Variants in PLCB1 observed in about 807,000 individuals in gnomAD.
The protein encoded by PLCB1 is 1-phosphatidylinositol 4,5-bisphosphate phosphodiesterase beta-1.
In PLCB1, 46 loss-of-function variants were observed where a neutral mutation model predicts 161.8. The observed-to-expected ratio is 0.28, with a 90% CI of 0.22 to 0.36. The LOEUF is 0.36. Ranked by LOEUF, PLCB1 falls within the 10% of genes least tolerant of loss-of-function variation. PLCB1 has a pLI of 1.00. For missense variants in PLCB1, 1,016 were observed against 1,472.5 expected, an observed-to-expected ratio of 0.69 and a Z score of 5.07; for synonymous variants, 517 against 503.7, an observed-to-expected ratio of 1.03 and a Z score of -0.35.
intron 2 of PLCB1, among the ~76,000 whole-genome samples, chr20:8,151,709 G>C (rs1391081049): frequency 6.6e-6 from 1 of 152,062 alleles, no homozygotes; most frequent in Non-Finnish European, 1.5e-5. Flanking sequence ...GATATTTTTA[G>C]AACTGTTGAA....
chr20:8,835,470 A>G (rs1986243975), intron 31 of PLCB1, among the ~76,000 whole-genome samples: 1 of 152,086 alleles, frequency 6.6e-6, no homozygotes. Context: ...CACAGGCTTT[A>G]GAGATCTATG....
At chr20:8,391,601 G>A (rs564221245) in intron 3 of PLCB1, among the ~76,000 whole-genome samples, 1 of 151,908 alleles carries the variant, frequency 6.6e-6, no homozygotes, top group African/African-American at 2.4e-5. Context: ...TGGTTTCCCT[G>A]TGAATGATAA....
intron 23 of PLCB1, among the ~76,000 whole-genome samples, chr20:8,744,259 G>A (rs1981033164): frequency 6.6e-6 from 1 of 152,098 alleles, no homozygotes; most frequent in African/African-American, 2.4e-5. Context: ...ATTTTCAAGT[G>A]AAATTACATG....
chr20:8,781,416 AAACACAC>A (rs1983226158), intron 27 of PLCB1, among the ~76,000 whole-genome samples: 1 of 21,400 alleles, frequency 4.7e-5, no homozygotes, highest in African/African-American at 9.5e-5. Context: ...ACACACACAC[AAACACAC>A]ACACACACAC....
intron 2 of PLCB1, among the ~76,000 whole-genome samples, chr20:8,224,216 G>A (rs1979556081): frequency 6.6e-6 from 1 of 152,068 alleles, no homozygotes; most frequent in African/African-American, 2.4e-5. Flanking sequence ...CTAATTCTGT[G>A]GCATCGGGTA....
intron 2 of PLCB1, among the ~76,000 whole-genome samples, chr20:8,291,404 C>T (rs1457160985): frequency 6.6e-6 from 1 of 152,124 alleles, no homozygotes; most frequent in East Asian, 1.9e-4. Context: ...AAACTGGGCT[C>T]AAGGTCCAAG....
intron 2 of PLCB1, among the ~76,000 whole-genome samples, chr20:8,328,773 G>A (rs1985253475): frequency 6.6e-6 from 1 of 152,114 alleles, no homozygotes; most frequent in African/African-American, 2.4e-5. Flanking sequence ...CGGAGTACTT[G>A]CTGCTCTAGG....
intron 2 of PLCB1, among the ~76,000 whole-genome samples, chr20:8,266,360 ACCTCAT>A (rs1981955212): frequency 6.6e-6 from 1 of 152,148 alleles, no homozygotes; most frequent in Non-Finnish European, 1.5e-5. Context: ...TCCACATGGT[ACCTCAT>A]CCTCCAAGAG....
intron 31 of PLCB1, among the ~76,000 whole-genome samples, chr20:8,839,983 A>G (rs1986435904): frequency 6.6e-6 from 1 of 151,686 alleles, no homozygotes; most frequent in Non-Finnish European, 1.5e-5. Context: ...GTGAGCCAAG[A>G]TCGCGCCACT....
At chr20:8,725,264 T>A (rs1979872532) in intron 16 of PLCB1, among the ~76,000 whole-genome samples, 1 of 152,158 alleles carries the variant, frequency 6.6e-6, no homozygotes, top group Non-Finnish European at 1.5e-5. Context: ...TCACATCACT[T>A]TGTGTTTTCC....
rs535907716 is a variant in PLCB1 at position 8,755,984 on chromosome 20, T to G, written c.2524-1062T>G. On this transcript the variant is annotated intron_variant, in intron 23 of 31. Transcript: ENST00000338037. Reference sequence around the variant, plus strand: ...AAGTTGCTATGGCCTTTGTACAAGGTGATGGCTTTTGCAGAGTCTTTTGTG... The same window carrying G: ...AAGTTGCTATGGCCTTTGTACAAGGGGATGGCTTTTGCAGAGTCTTTTGTG... 2.4e-3 allele frequency among the ~76,000 whole-genome samples: 364 copies of G among 152,308 alleles called. 1 individual carries two copies. Among genetic ancestry groups the G allele is most frequent in the African/African-American group, 8.4e-3 (350 of 41,586 alleles).
At chr20:8,648,180 G>A (rs1989217567) in intron 6 of PLCB1, among the ~76,000 whole-genome samples, 1 of 152,200 alleles carries the variant, frequency 6.6e-6, no homozygotes. Flanking sequence ...TACCAAAGCA[G>A]GAAGTGGGTG....
chr20:8,567,144 C>T (rs1448042379), intron 3 of PLCB1, among the ~76,000 whole-genome samples: 1 of 152,146 alleles, frequency 6.6e-6, no homozygotes, highest in Non-Finnish European at 1.5e-5. Context: ...CACTGCAAAG[C>T]AGTAGCACTT....
intron 3 of PLCB1, among the ~76,000 whole-genome samples, chr20:8,445,328 G>A (rs1339000711): frequency 1.3e-5 from 2 of 152,062 alleles, no homozygotes; most frequent in Non-Finnish European, 2.9e-5. Context: ...TCTTGTTTTT[G>A]TCAGGTTTGT....
chr20:8,261,983 A>G (rs776613274), intron 2 of PLCB1, among the ~76,000 whole-genome samples: 7 of 151,984 alleles, frequency 4.6e-5, no homozygotes, highest in Non-Finnish European at 1.0e-4. Context: ...CAGACAGGGC[A>G]CTCTTAGCTG....
At chr20:8,782,895 G>A (rs1983311059) in intron 27 of PLCB1, among the ~76,000 whole-genome samples, 1 of 152,130 alleles carries the variant, frequency 6.6e-6, no homozygotes, top group Non-Finnish European at 1.5e-5. Context: ...ATCCTTCTTA[G>A]AAGAGACTCC....
At chr20:8,717,986 C>T in intron 14 of PLCB1, 138 bp downstream of exon 14, 5 of 639,106 alleles carry the variant, frequency 7.8e-6, no homozygotes, top group East Asian at 3.1e-5. Context: ...GTCAGGAGTT[C>T]GAGACCATCC....
At chr20:8,880,547 G>C (rs1391076709) in intron 31 of PLCB1, among the ~76,000 whole-genome samples, 1 of 152,186 alleles carries the variant, frequency 6.6e-6, no homozygotes, top group Non-Finnish European at 1.5e-5. Context: ...GGCAAAATAA[G>C]TCAAAATAAA....
At chr20:8,801,510 C>T (rs558495498) in intron 31 of PLCB1, among the ~76,000 whole-genome samples, 2 of 152,296 alleles carry the variant, frequency 1.3e-5, no homozygotes, top group African/African-American at 4.8e-5. Context: ...GTTTCGTTCC[C>T]TGACGCTCTT....
Sources: gnomAD v4.1 joint callset for allele counts (sites outside exome capture counted in the v4.1 genomes callset) on GRCh38, gnomAD v4.1.1 for gene constraint, MANE v1.5 for transcripts, NCBI Gene and HGNC (gene_info 2026-07-23, HGNC 2026-07-21) for gene names.